Variants in CHCHD3 observed in about 807,000 individuals in gnomAD.
CHCHD3 encodes the protein coiled-coil-helix-coiled-coil-helix domain containing 3.
CHCHD3 carries 20 observed loss-of-function variants against 38.2 expected under a neutral mutation model. The observed-to-expected ratio is 0.52, with a 90% CI of 0.37 to 0.76. The LOEUF is 0.76. Ranked by LOEUF, CHCHD3 falls within the 30% of genes least tolerant of loss-of-function variation. The pLI is 0.00. For synonymous variants in CHCHD3, 82 were observed against 100.0 expected, an observed-to-expected ratio of 0.82 and a Z score of 1.07; for missense variants, 245 against 279.2, an observed-to-expected ratio of 0.88 and a Z score of 0.87.
At chr7:132,885,552 C>A in intron 5 of CHCHD3, 110 bp downstream of exon 5, 1 of 830,944 alleles carries the variant, frequency 1.2e-6, no homozygotes, top group Non-Finnish European at 1.8e-6. Context: ...ACTTCCTGGC[C>A]ACTTTACAAC....
chr7:132,917,995 G>A (rs1810158801), intron 4 of CHCHD3, among the ~76,000 whole-genome samples: 1 of 151,572 alleles, frequency 6.6e-6, no homozygotes. Context: ...GAAAAGATCA[G>A]AACGCAGCAA....
At chr7:132,884,401 C>T (rs1809152480) in intron 5 of CHCHD3, among the ~76,000 whole-genome samples, 1 of 152,078 alleles carries the variant, frequency 6.6e-6, no homozygotes, top group Admixed American at 6.6e-5. Context: ...ATTTAAGCTC[C>T]ATGAAGACAG....
At chr7:133,031,830 T>G (rs1355114042) in intron 2 of CHCHD3, among the ~76,000 whole-genome samples, 2 of 152,176 alleles carry the variant, frequency 1.3e-5, no homozygotes, top group Non-Finnish European at 2.9e-5. Context: ...TCTCCCAGGA[T>G]TGAGATAGTT....
chr7:132,972,522 T>G lies in CHCHD3; in HGVS notation c.369+2647A>C, dbSNP rs1184775229. 4.5e-6 allele frequency: 4 copies of G among 894,838 alleles called. No individual in the cohort carries two copies. In the East Asian group the frequency reaches 4.8e-4, roughly 107 times the overall value. The allele number at this position is 894,838 out of a possible 1,614,324, so 55.4% of individuals were successfully genotyped here. Reference sequence around the variant, plus strand: ...TCCCTTTGTATTTATTTTCTAATCTTGATCCAATGAATATGTATGTCTTCC... The same window carrying G: ...TCCCTTTGTATTTATTTTCTAATCTGGATCCAATGAATATGTATGTCTTCC... On this transcript the variant is annotated intron_variant, in intron 4 of 7. Coordinates refer to ENST00000262570, the MANE Select transcript of CHCHD3 (RefSeq NM_017812.4).
intron 4 of CHCHD3, among the ~76,000 whole-genome samples, chr7:132,929,325 C>T (rs1810462053): frequency 6.6e-6 from 1 of 152,086 alleles, no homozygotes; most frequent in Non-Finnish European, 1.5e-5. Flanking sequence ...CTTTTGTTGG[C>T]TGCTTGAACA....
chr7:132,821,441 G>C (rs377513419), intron 6 of CHCHD3, among the ~76,000 whole-genome samples: 1 of 152,112 alleles, frequency 6.6e-6, no homozygotes, highest in Non-Finnish European at 1.5e-5. Context: ...TTAACATGTG[G>C]ATACTTATTA....
chr7:133,055,601 AATT>A (rs1814304299), intron 2 of CHCHD3, among the ~76,000 whole-genome samples: 1 of 147,756 alleles, frequency 6.8e-6, no homozygotes, highest in Admixed American at 6.8e-5. Context: ...TTATATATCA[AATT>A]ATAATTAATT....
At chr7:133,000,524 T>C (rs992299202) in intron 3 of CHCHD3, among the ~76,000 whole-genome samples, 14 of 152,094 alleles carry the variant, frequency 9.2e-5, no homozygotes, top group African/African-American at 3.4e-4. Flanking sequence ...AAATTAATGA[T>C]GGTTACCATT....
chr7:133,052,292 T>C (rs866619284), intron 2 of CHCHD3, among the ~76,000 whole-genome samples: 3 of 152,180 alleles, frequency 2.0e-5, no homozygotes, highest in South Asian at 2.1e-4. Flanking sequence ...TATTTCCATG[T>C]GCAGGTACTA....
chr7:132,960,359 G>A (rs1215276737), intron 4 of CHCHD3, among the ~76,000 whole-genome samples: 1 of 152,204 alleles, frequency 6.6e-6, no homozygotes, highest in Non-Finnish European at 1.5e-5. Flanking sequence ...GTGGTGATGT[G>A]CAAGATGGAG....
chr7:132,832,187 T>C (rs1264818233), intron 6 of CHCHD3, among the ~76,000 whole-genome samples: 2 of 152,222 alleles, frequency 1.3e-5, no homozygotes, highest in African/African-American at 4.8e-5. Context: ...ATTCCTCAGA[T>C]ACTCTAAAAT....
chr7:132,877,541 A>G (rs189861120), intron 5 of CHCHD3, among the ~76,000 whole-genome samples: 1 of 152,360 alleles, frequency 6.6e-6, no homozygotes, highest in Admixed American at 6.5e-5. Flanking sequence ...TTTCTACAGA[A>G]CAATTAACAT....
chr7:132,885,794 G>T, intron 4 of CHCHD3, 49 bp from the exon 5 acceptor site: 2 of 1,360,260 alleles, frequency 1.5e-6, no homozygotes, highest in Non-Finnish European at 2.0e-6. Flanking sequence ...AGCAGCAACA[G>T]CAAAGCAAAA....
intron 4 of CHCHD3, 48 bp from the exon 5 acceptor site, chr7:132,885,793 A>G: frequency 7.3e-7 from 1 of 1,370,984 alleles, no homozygotes; most frequent in East Asian, 2.4e-5. Flanking sequence ...AAGCAGCAAC[A>G]GCAAAGCAAA....
chr7:132,884,565 A>C (rs1416965795), intron 5 of CHCHD3, among the ~76,000 whole-genome samples: 1 of 152,178 alleles, frequency 6.6e-6, no homozygotes, highest in African/African-American at 2.4e-5. Flanking sequence ...TTTAACATAT[A>C]CATAACTGTA....
chr7:132,867,822 G>GT (rs1239941031), intron 5 of CHCHD3, among the ~76,000 whole-genome samples: 1 of 152,066 alleles, frequency 6.6e-6, no homozygotes, highest in Non-Finnish European at 1.5e-5. Context: ...GATTTTCTCT[G>GT]GATAATGAGG....
At chr7:132,890,534 T>G (rs1409206707) in intron 4 of CHCHD3, among the ~76,000 whole-genome samples, 3 of 152,194 alleles carry the variant, frequency 2.0e-5, no homozygotes, top group Non-Finnish European at 4.4e-5. Flanking sequence ...GCACAGATAA[T>G]GTACTGTTAC....
intron 1 of CHCHD3, among the ~76,000 whole-genome samples, chr7:133,079,371 G>A (rs544349454): frequency 6.6e-6 from 1 of 152,310 alleles, no homozygotes; most frequent in South Asian, 2.1e-4. Context: ...TGTCCAGAGC[G>A]ACACCGCTAG....
chr7:132,872,518 A>G (rs1417470269), intron 5 of CHCHD3, among the ~76,000 whole-genome samples: 1 of 152,246 alleles, frequency 6.6e-6, no homozygotes. Context: ...CCTCAGAGGA[A>G]TAAGACCCAG....
Sources: allele counts gnomAD v4.1 joint callset (sites outside exome capture counted in the v4.1 genomes callset), GRCh38; gene constraint gnomAD v4.1.1; transcripts MANE v1.5; gene names NCBI Gene and HGNC (gene_info 2026-07-23, HGNC 2026-07-21).